Variants in SUFU observed in about 807,000 individuals in gnomAD.
SUFU encodes suppressor of fused homolog.
A neutral mutation model predicts 58.9 loss-of-function variants in SUFU; 7 were observed. That is an observed-to-expected ratio of 0.12 (90% confidence interval 0.07 to 0.22). SUFU has a LOEUF of 0.22. Ranked by LOEUF, SUFU falls within the 10% of genes least tolerant of loss-of-function variation. SUFU has a pLI of 1.00. For missense variants in SUFU, 451 were observed against 641.3 expected, an observed-to-expected ratio of 0.70 and a Z score of 3.20; for synonymous variants, 232 against 254.8, an observed-to-expected ratio of 0.91 and a Z score of 0.85.
intron 8 of SUFU, among the ~76,000 whole-genome samples, chr10:102,612,532 A>C (rs1432952422): frequency 6.6e-6 from 1 of 152,152 alleles, no homozygotes; most frequent in Non-Finnish European, 1.5e-5. Flanking sequence ...TTTTCCCTCC[A>C]GCTTGAGACG....
chr10:102,601,750 C>G (rs2063516846), intron 8 of SUFU, among the ~76,000 whole-genome samples: 1 of 152,172 alleles, frequency 6.6e-6, no homozygotes, highest in Admixed American at 6.5e-5. Context: ...CTGTGCTGCC[C>G]ACTCTGGGAC....
Position 102,607,144 on chromosome 10 carries a change from G to A in SUFU, c.1022+7600G>A, listed in dbSNP as rs531056948. On this transcript the variant is annotated intron_variant, in intron 8 of 11. Coordinates refer to ENST00000369902, the MANE Select transcript of SUFU (RefSeq NM_016169.4). ...TGTGATCTCAACCTCTGCCTCCTGA[G>A]CTCAAGTGATCTTCCCTCCTCAGCC... Among the ~76,000 whole-genome samples the A allele has an allele frequency of 3.3e-5, 5 of 151,254 alleles. No individual in the cohort carries two copies. The East Asian group carries it at 9.7e-4, about 29-fold the overall frequency.
At chr10:102,507,107 T>C (rs964158181) in intron 1 of SUFU, among the ~76,000 whole-genome samples, 1 of 152,222 alleles carries the variant, frequency 6.6e-6, no homozygotes, top group Non-Finnish European at 1.5e-5. Context: ...GAGTAGTAAG[T>C]AAACAGAATA....
chr10:102,568,017 C>T (rs1438237092), intron 3 of SUFU, among the ~76,000 whole-genome samples: 1 of 152,132 alleles, frequency 6.6e-6, no homozygotes, highest in African/African-American at 2.4e-5. Flanking sequence ...CTTTGCTTCT[C>T]TTTACTGGGC....
rs2063123174 is a variant in SUFU, at chr10:102,568,891, A to AT, written c.454+18785_454+18786insT. ...CTCTGTCTCAAAAAAAAAAAAAAAA[A>AT]AAAAAAATATATATATATATATATA... On this transcript the variant is annotated intron_variant, in intron 3 of 11. Coordinates refer to ENST00000369902, the MANE Select transcript of SUFU (RefSeq NM_016169.4). Among the ~76,000 whole-genome samples the AT allele has an allele frequency of 1.0e-4, 4 of 40,078 alleles. No homozygotes were observed. In the South Asian group the frequency reaches 2.3e-3, roughly 23 times the overall value. The allele number at this position is 40,078 out of a possible 152,430, so 26.3% of individuals were successfully genotyped here.
Position 102,617,738 on chromosome 10 carries a change from T to C in SUFU, c.1296+310T>C. On this transcript the variant is annotated intron_variant, in intron 10 of 11. Coordinates refer to ENST00000369902, the MANE Select transcript of SUFU (RefSeq NM_016169.4). The surrounding 1 kb of genome is among the most constrained non-coding windows in gnomAD (Gnocchi z 4.4). ...CAGGTTGGAGGGATATAAGACTTTC[T>C]GCACCTTGGGTAAACCAAGGTACAA... 1 of 574,582 alleles carries C rather than the reference T, an allele frequency of 1.7e-6. No individual in the cohort carries two copies. The highest frequency in any genetic ancestry group is 3.2e-5 in the Admixed American group (1 of 31,332). The allele number at this position is 574,582 out of a possible 1,614,324, so 35.6% of individuals were successfully genotyped here.
At chr10:102,534,168 C>T (rs1322560560) in intron 2 of SUFU, among the ~76,000 whole-genome samples, 1 of 152,200 alleles carries the variant, frequency 6.6e-6, no homozygotes, top group Non-Finnish European at 1.5e-5. Flanking sequence ...GTGGCTCACG[C>T]CTGTAATCCC....
At chr10:102,545,258 A>G (rs2062842776) in intron 2 of SUFU, among the ~76,000 whole-genome samples, 1 of 149,212 alleles carries the variant, frequency 6.7e-6, no homozygotes, top group Non-Finnish European at 1.5e-5. Flanking sequence ...AGCTGGGACT[A>G]CAGGTGTGAG....
Position 102,611,038 on chromosome 10 carries a change from G to A in SUFU, c.1023-4230G>A, listed in dbSNP as rs958701936. ...CATAGTCCCTCTGTGATCTGCACTG[G>A]TGAGGTCACATACTATGTTTATTGC... On this transcript the variant is annotated intron_variant, in intron 8 of 11. Transcript: ENST00000369902. 3.9e-5 allele frequency among the ~76,000 whole-genome samples: 6 copies of A among 152,210 alleles called. No homozygotes were observed. In the South Asian group the frequency reaches 1.2e-3, roughly 32 times the overall value.
intron 1 of SUFU, among the ~76,000 whole-genome samples, chr10:102,505,905 A>G (rs2062319614): frequency 6.6e-6 from 1 of 152,140 alleles, no homozygotes; most frequent in Admixed American, 6.5e-5. Flanking sequence ...ATGTGTCAGG[A>G]GAAAAGTGGG....
chr10:102,504,845 G>A (rs972399070), intron 1 of SUFU, among the ~76,000 whole-genome samples: 5 of 152,066 alleles, frequency 3.3e-5, no homozygotes, highest in Non-Finnish European at 5.9e-5. Context: ...GAGGGCCAAA[G>A]ATGAGGGCCT....
At chr10:102,541,141 C>T (rs1294736633) in intron 2 of SUFU, among the ~76,000 whole-genome samples, 3 of 152,022 alleles carry the variant, frequency 2.0e-5, no homozygotes, top group Admixed American at 1.3e-4. Context: ...AGCATTTTCT[C>T]CCTCCTCATT....
chr10:102,582,268 A>G (rs966494592), intron 3 of SUFU, among the ~76,000 whole-genome samples: 1 of 151,136 alleles, frequency 6.6e-6, no homozygotes, highest in Admixed American at 6.6e-5. Flanking sequence ...GTACTTTTGC[A>G]CAGAAGGGAG....
intron 3 of SUFU, among the ~76,000 whole-genome samples, chr10:102,566,427 C>A (rs1322527069): frequency 6.6e-6 from 1 of 151,922 alleles, no homozygotes; most frequent in Non-Finnish European, 1.5e-5. Context: ...GTCAGGAATT[C>A]GAGACCAGCG....
chr10:102,590,791 G>A (rs180795408), intron 3 of SUFU: 1 of 152,292 alleles, frequency 6.6e-6, no homozygotes, highest in East Asian at 1.9e-4. Context: ...TTTACCTGTT[G>A]CATTGTTTCT....
intron 3 of SUFU, chr10:102,573,056 T>C: frequency 1.2e-6 from 1 of 825,680 alleles, no homozygotes; most frequent in East Asian, 2.4e-5. Flanking sequence ...GTACTTGGGC[T>C]GCCTCCAGAA....
chr10:102,524,328 T>C (rs570641870), intron 2 of SUFU, among the ~76,000 whole-genome samples: 31 of 129,318 alleles, frequency 2.4e-4, no homozygotes, highest in Admixed American at 1.5e-3. Flanking sequence ...TCTTTTCTTT[T>C]CTTTTTTTTT....
intron 8 of SUFU, 96 bp downstream of exon 8, chr10:102,599,640 G>A: frequency 4.7e-6 from 5 of 1,063,760 alleles, no homozygotes; most frequent in Non-Finnish European, 7.1e-6. Context: ...AATGCACATA[G>A]CCCTTGCTGG....
Position 102,597,293 on chromosome 10 carries a change from G to T in SUFU, c.910G>T (p.Asp304Tyr), listed in dbSNP as rs1385719041. Reference protein sequence around the residue: ...GTQPRRLSGKDTEQIRETLRR... With the variant: ...GTQPRRLSGKYTEQIRETLRR... Reference sequence around the variant, plus strand: ...ACAGCCCCGGCGACTCTCTGGCAAAGGTGGGAGCCATCACTCAGCATTCCA... The same window carrying T: ...ACAGCCCCGGCGACTCTCTGGCAAATGTGGGAGCCATCACTCAGCATTCCA... Residue 304 changes from aspartate (D) to tyrosine (Y), a missense_variant and splice_region_variant, in exon 7 of 12, where the codon GAC becomes TAC. Transcript: ENST00000369902. The T allele has an allele frequency of 6.2e-7, 1 of 1,612,256 alleles. No homozygotes were observed. The highest frequency in any genetic ancestry group is 1.7e-5 in the Admixed American group (1 of 60,000).
Sources: allele counts gnomAD v4.1 joint callset (sites outside exome capture counted in the v4.1 genomes callset), GRCh38; gene constraint gnomAD v4.1.1; non-coding constraint Gnocchi (gnomAD v3.1); transcripts MANE v1.5; gene names NCBI Gene and HGNC (gene_info 2026-07-23, HGNC 2026-07-21).